XRCC4: variants seen among roughly 807,000 people sequenced by gnomAD.
The protein encoded by XRCC4 is X-ray repair cross complementing 4, also known as DNA repair protein XRCC4.
XRCC4 carries 28 observed loss-of-function variants against 39.1 expected under a neutral mutation model. The observed-to-expected ratio is 0.72, with a 90% CI of 0.53 to 0.98. The LOEUF (loss-of-function observed/expected upper bound fraction) is 0.98, where lower values mean the gene tolerates loss of function less well. Among genes scored for constraint, XRCC4 ranks in the 50% least tolerant of loss-of-function variants. The pLI, the probability that XRCC4 is intolerant of heterozygous loss-of-function variation, is 0.00. For synonymous variants in XRCC4, 123 were observed against 126.4 expected (o/e 0.97, Z 0.18); for missense variants, 350 against 376.4 (o/e 0.93, Z 0.58).
chr5:83,360,947 C>G, the XRCC4 span, among the ~76,000 whole-genome samples: 1 of 152,050 alleles, frequency 6.6e-6, no homozygotes, highest in African/African-American at 2.4e-5. Context: ...GTAGTAGCTT[C>G]TAGTATATTC....
At chr5:83,294,293 A>AAAG (rs561654170) in intron 7 of XRCC4, among the ~76,000 whole-genome samples, 4 of 152,064 alleles carry the variant, frequency 2.6e-5, no homozygotes, top group Non-Finnish European at 4.4e-5. Flanking sequence ...AATATAATTG[A>AAAG]AAGACAATGA....
At chr5:83,196,253 T>G (rs1249355871) in intron 4 of XRCC4, among the ~76,000 whole-genome samples, 6 of 152,062 alleles carry the variant, frequency 3.9e-5, no homozygotes, top group Non-Finnish European at 1.5e-5. Context: ...TCAGCTCAAA[T>G]TATAGGATTA....
intron 6 of XRCC4, among the ~76,000 whole-genome samples, chr5:83,211,901 T>C (rs150394881): frequency 6.6e-6 from 1 of 152,176 alleles, no homozygotes; most frequent in Non-Finnish European, 1.5e-5. Context: ...AAACCCAAAG[T>C]TGTTACAATA....
At chr5:83,291,707 A>G (rs929159395) in intron 7 of XRCC4, among the ~76,000 whole-genome samples, 2 of 151,702 alleles carry the variant, frequency 1.3e-5, no homozygotes, top group Non-Finnish European at 2.9e-5. Flanking sequence ...TACCGACTTT[A>G]TCAGCCAAGT....
chr5:83,269,629 A>G (rs373295591), intron 7 of XRCC4, among the ~76,000 whole-genome samples: 11 of 152,078 alleles, frequency 7.2e-5, no homozygotes, highest in African/African-American at 2.7e-4. Context: ...CAGTTACAAA[A>G]AAGAAAATAT....
chr5:83,298,954 T>C (rs1755184069), intron 7 of XRCC4, among the ~76,000 whole-genome samples: 1 of 152,048 alleles, frequency 6.6e-6, no homozygotes, highest in African/African-American at 2.4e-5. Context: ...TTCTAAAGAA[T>C]AAGACATTCT....
At chr5:83,296,337 G>C (rs1389826) in intron 7 of XRCC4, among the ~76,000 whole-genome samples, 130,099 of 152,142 alleles carry the variant, frequency 0.86, 55,728 homozygotes, top group African/African-American at 0.88. Flanking sequence ...TTTCAACACA[G>C]TCTTTCACTT....
At chr5:83,159,260 C>T (rs1022607360) in intron 3 of XRCC4, among the ~76,000 whole-genome samples, 15 of 152,082 alleles carry the variant, frequency 9.9e-5, no homozygotes, top group Non-Finnish European at 1.9e-4. Flanking sequence ...ATTATATTTG[C>T]AAGGCAGTAA....
At position 83,187,185 on chromosome 5, in the gene XRCC4, C is replaced by T. The variant is rs1314053967; in HGVS notation, c.316-8585C>T. On this transcript the variant is annotated intron_variant, in intron 3 of 7. Coordinates refer to ENST00000396027, the MANE Select transcript of XRCC4 (RefSeq NM_003401.5). Reference sequence around the variant, plus strand: ...GTCTCGATCTCCTGACCTCATGATCCGCCCGCCTCTGCCTCCCAAAGTGCT... The same window carrying T: ...GTCTCGATCTCCTGACCTCATGATCTGCCCGCCTCTGCCTCCCAAAGTGCT... 6.5e-5 allele frequency among the ~76,000 whole-genome samples: 3 copies of T among 46,170 alleles called. 1 individual carries two copies. Among genetic ancestry groups the T allele is most frequent in the African/African-American group, 3.0e-4 (3 of 9,872 alleles). 30.3% of individuals were successfully genotyped at this position (46,170 alleles called of 152,430 possible).
intron 6 of XRCC4, among the ~76,000 whole-genome samples, chr5:83,229,497 A>G (rs1182935091): frequency 6.6e-6 from 1 of 151,700 alleles, no homozygotes; most frequent in Non-Finnish European, 1.5e-5. Flanking sequence ...AGAAGATGCT[A>G]TCCACCCTGC....
At chr5:83,145,186 C>T (rs994719029) in intron 3 of XRCC4, among the ~76,000 whole-genome samples, 5 of 152,202 alleles carry the variant, frequency 3.3e-5, no homozygotes, top group Admixed American at 1.3e-4. Context: ...TGAACCACCA[C>T]GCTCGGCTCA....
chr5:83,204,911 G>A lies in XRCC4; in HGVS notation c.735G>A (p.Gly245=), dbSNP rs1367669065. The change falls in exon 6 of 8, where the codon GGG becomes GGA. Residue 245 remains glycine, a synonymous_variant. Coordinates refer to ENST00000396027, the MANE Select transcript of XRCC4 (RefSeq NM_003401.5). ...EESENQTDLS[G]LASAAVSKDD... ...GTGAAAACCAAACTGATCTCTCTGG[G>A]TTGGCTTCAGGTAAGAGATACATAC... 1.2e-6 allele frequency: 2 copies of A among 1,610,370 alleles called. No homozygotes were observed. Among genetic ancestry groups the A allele is most frequent in the South Asian group, 2.2e-5 (2 of 90,764 alleles).
chr5:83,356,267 G>A (rs1757188925), downstream of XRCC4, among the ~76,000 whole-genome samples: 1 of 151,888 alleles, frequency 6.6e-6, no homozygotes, highest in Admixed American at 6.6e-5. Context: ...TATCTCACCT[G>A]AATAGACCAC....
intron 1 of XRCC4, among the ~76,000 whole-genome samples, chr5:83,084,909 G>C (rs575268984): frequency 3.9e-5 from 6 of 152,096 alleles, no homozygotes; most frequent in Admixed American, 2.0e-4. Context: ...TAACAAAAAA[G>C]GAAATCGATT....
At chr5:83,118,940 G>T (rs118114547) in intron 3 of XRCC4, among the ~76,000 whole-genome samples, 1 of 152,068 alleles carries the variant, frequency 6.6e-6, no homozygotes, top group African/African-American at 2.4e-5. Context: ...ATACTTTAAA[G>T]GATAAAGTAA....
chr5:83,240,244 G>C (rs1371909375), intron 6 of XRCC4, among the ~76,000 whole-genome samples: 1 of 152,198 alleles, frequency 6.6e-6, no homozygotes, highest in Non-Finnish European at 1.5e-5. Flanking sequence ...CTGTGTGACT[G>C]ACTCAGAGTT....
At chr5:83,339,718 T>C (rs1167149376) in intron 7 of XRCC4, among the ~76,000 whole-genome samples, 2 of 152,140 alleles carry the variant, frequency 1.3e-5, no homozygotes, top group African/African-American at 4.8e-5. Context: ...AAACCAAATA[T>C]GAAGGCCTTC....
chr5:83,355,860 C>A (rs1757184303), downstream of XRCC4, among the ~76,000 whole-genome samples: 1 of 152,012 alleles, frequency 6.6e-6, no homozygotes, highest in Admixed American at 6.6e-5. Flanking sequence ...CTGGTCTCAA[C>A]CTCCTAACCT....
At chr5:83,164,188 T>A (rs780894246) in intron 3 of XRCC4, among the ~76,000 whole-genome samples, 2 of 152,146 alleles carry the variant, frequency 1.3e-5, no homozygotes, top group Non-Finnish European at 2.9e-5. Flanking sequence ...ACTGAATAAA[T>A]CTTTAGCCTC....
Sources: gnomAD v4.1 joint callset for allele counts (sites outside exome capture counted in the v4.1 genomes callset) on GRCh38, gnomAD v4.1.1 for gene constraint, MANE v1.5 for transcripts, NCBI Gene and HGNC (gene_info 2026-07-23, HGNC 2026-07-21) for gene names.